The following CCBE1 variants were observed in gnomAD, a reference collection of about 807,000 sequenced individuals.
CCBE1 encodes collagen and calcium-binding EGF domain-containing protein 1.
CCBE1 carries 37 observed loss-of-function variants against 50.0 expected under a neutral mutation model. That is an observed-to-expected ratio of 0.74 (90% confidence interval 0.57 to 0.97). The LOEUF (loss-of-function observed/expected upper bound fraction) is 0.97. Ranked by LOEUF, CCBE1 falls within the 50% of genes least tolerant of loss-of-function variation. The probability of loss-of-function intolerance (pLI) is 0.00; values close to 1 mark genes in which losing one functional copy is unlikely to be tolerated. For missense variants in CCBE1, 538 were observed against 523.8 expected, an observed-to-expected ratio of 1.03 and a Z score of -0.26; for synonymous variants, 234 against 203.7, an observed-to-expected ratio of 1.15 and a Z score of -1.27.
chr18:59,601,578 T>C (rs1180615815), intron 2 of CCBE1, among the ~76,000 whole-genome samples: 1 of 152,188 alleles, frequency 6.6e-6, no homozygotes, highest in African/African-American at 2.4e-5. Context: ...TTAAAACCAA[T>C]GAATACACGG....
chr18:59,449,740 CA>C lies in CCBE1; in HGVS notation c.655-1638del, dbSNP rs755669546. On this transcript the variant is annotated intron_variant, in intron 6 of 10. Transcript: ENST00000439986. ...TCCAAGTCTACAAAATGTGCAGTTT[CA>C]ACACATGATCAAGTCTTCGTATTTA... Among the ~76,000 whole-genome samples the C allele has an allele frequency of 2.0e-5, 3 of 152,196 alleles. No homozygotes were observed. The South Asian group carries it at 6.2e-4, about 32-fold the overall frequency.
chr18:59,572,696 G>A (rs954347640), intron 2 of CCBE1, among the ~76,000 whole-genome samples: 4 of 152,156 alleles, frequency 2.6e-5, no homozygotes, highest in African/African-American at 9.7e-5. Context: ...TAATAGGGAG[G>A]CAGGGACAGT....
intron 2 of CCBE1, among the ~76,000 whole-genome samples, chr18:59,674,413 G>A (rs2054472031): frequency 6.6e-6 from 1 of 152,040 alleles, no homozygotes. Context: ...AGTGGGAGTT[G>A]AACAATGAGA....
chr18:59,524,642 C>T (rs1255403332), intron 2 of CCBE1, among the ~76,000 whole-genome samples: 1 of 152,084 alleles, frequency 6.6e-6, no homozygotes, highest in African/African-American at 2.4e-5. Flanking sequence ...GCGAGATGTG[C>T]AGGTTTGTTA....
At chr18:59,497,525 G>T (rs959478574) in intron 2 of CCBE1, among the ~76,000 whole-genome samples, 3 of 152,214 alleles carry the variant, frequency 2.0e-5, no homozygotes, top group African/African-American at 7.2e-5. Flanking sequence ...AGTGTGATTT[G>T]GATTTCACAG....
intron 2 of CCBE1, among the ~76,000 whole-genome samples, chr18:59,616,719 G>A (rs980020328): frequency 1.3e-5 from 2 of 152,220 alleles, no homozygotes; most frequent in African/African-American, 4.8e-5. Flanking sequence ...GATTAGACAA[G>A]TTGCATTAAG....
At chr18:59,487,503 A>G (rs763986004) in intron 2 of CCBE1, among the ~76,000 whole-genome samples, 5 of 152,172 alleles carry the variant, frequency 3.3e-5, no homozygotes, top group Non-Finnish European at 5.9e-5. Flanking sequence ...TCAGTCTCAC[A>G]TCTGAGCATG....
intron 4 of CCBE1, among the ~76,000 whole-genome samples, chr18:59,468,190 A>G (rs1911844318): frequency 1.3e-5 from 2 of 152,174 alleles, no homozygotes; most frequent in South Asian, 2.1e-4. Context: ...TCCAGGCCAG[A>G]CTGAGCAACA....
chr18:59,636,835 C>G (rs1466269101), intron 2 of CCBE1, among the ~76,000 whole-genome samples: 1 of 152,178 alleles, frequency 6.6e-6, no homozygotes, highest in Non-Finnish European at 1.5e-5. Context: ...ACAATAGTAT[C>G]TAACTTGTGG....
In CCBE1 at chr18:59,518,644, G is replaced by A. The variant is rs188989035; in HGVS notation, c.213-38406C>T. Among the ~76,000 whole-genome samples the A allele has an allele frequency of 2.3e-3, 348 of 152,280 alleles. 4 individuals carry two copies. The highest frequency in any genetic ancestry group is 4.1e-4 in the South Asian group (2 of 4,828). On this transcript the variant is annotated intron_variant, in intron 2 of 10. Coordinates refer to ENST00000439986, the MANE Select transcript of CCBE1 (RefSeq NM_133459.4). The stretch of plus-strand genomic sequence containing the variant: ...TGGCACAGAAGAGTACATGCGACAC[G>A]TGGATGAAGTGGACATTAAGTTACA...
At chr18:59,565,827 T>C (rs2052816212) in intron 2 of CCBE1, among the ~76,000 whole-genome samples, 2 of 151,880 alleles carry the variant, frequency 1.3e-5, no homozygotes, top group South Asian at 4.2e-4. Flanking sequence ...ACTGCTGGGT[T>C]TTCAAGCTTT....
chr18:59,447,134 C>G (rs1598907443), intron 7 of CCBE1, among the ~76,000 whole-genome samples: 1 of 151,936 alleles, frequency 6.6e-6, no homozygotes, highest in South Asian at 2.1e-4. Context: ...TATTCAGAAA[C>G]AGTATACTGA....
chr18:59,661,532 A>G (rs561215477), intron 2 of CCBE1, among the ~76,000 whole-genome samples: 28 of 150,022 alleles, frequency 1.9e-4, no homozygotes, highest in Non-Finnish European at 2.6e-4. Flanking sequence ...CTAGAAGGTA[A>G]CCTCAGAAAC....
intron 3 of CCBE1, among the ~76,000 whole-genome samples, chr18:59,477,544 G>C (rs758790452): frequency 0.036 from 2,882 of 79,694 alleles, 35 homozygotes; most frequent in Non-Finnish European, 0.051. Flanking sequence ...GTCTCTGTGT[G>C]TGTGTGTGTG....
chr18:59,611,461 C>T lies in CCBE1; in HGVS notation c.212+85168G>A, dbSNP rs190199111. 2.7e-3 allele frequency among the ~76,000 whole-genome samples: 414 copies of T among 152,278 alleles called. 2 individuals are homozygous for T. Among genetic ancestry groups the T allele is most frequent in the Non-Finnish European group, 3.5e-3 (237 of 68,020 alleles). On this transcript the variant is annotated intron_variant, in intron 2 of 10. Coordinates refer to ENST00000439986, the MANE Select transcript of CCBE1 (RefSeq NM_133459.4). ...CAGAGGACTGTCAAGAAGCATTTTTCGGGCCAGGCACAGTGGCTCATGCCT... is the reference window on the plus strand; with the variant it reads ...CAGAGGACTGTCAAGAAGCATTTTTTGGGCCAGGCACAGTGGCTCATGCCT...
At chr18:59,557,665 G>C (rs1427313431) in intron 2 of CCBE1, among the ~76,000 whole-genome samples, 1 of 152,064 alleles carries the variant, frequency 6.6e-6, no homozygotes, top group Non-Finnish European at 1.5e-5. Context: ...TTTATATGGG[G>C]TATAACCAAG....
At chr18:59,573,118 C>T (rs1185569391) in intron 2 of CCBE1, among the ~76,000 whole-genome samples, 1 of 151,214 alleles carries the variant, frequency 6.6e-6, no homozygotes, top group Admixed American at 6.6e-5. Context: ...AACCCTGTCT[C>T]TACTAAAAAT....
At chr18:59,631,017 T>C (rs2053842246) in intron 2 of CCBE1, among the ~76,000 whole-genome samples, 1 of 152,184 alleles carries the variant, frequency 6.6e-6, no homozygotes, top group Admixed American at 6.5e-5. Flanking sequence ...ATCCAAGCTT[T>C]ATTTTGGAAA....
At chr18:59,649,086 C>T (rs978181068) in intron 2 of CCBE1, among the ~76,000 whole-genome samples, 1 of 152,194 alleles carries the variant, frequency 6.6e-6, no homozygotes, top group African/African-American at 2.4e-5. Flanking sequence ...CTATTTTTTA[C>T]AAACTTCAAT....
Sources: allele counts gnomAD v4.1 joint callset (sites outside exome capture counted in the v4.1 genomes callset), GRCh38; gene constraint gnomAD v4.1.1; transcripts MANE v1.5; gene names NCBI Gene and HGNC (gene_info 2026-07-23, HGNC 2026-07-21).